Variants in PHF21B observed in about 807,000 individuals in gnomAD.
PHF21B encodes PHD finger protein 21B.
PHF21B carries 22 observed loss-of-function variants against 62.2 expected under a neutral mutation model. That is an observed-to-expected ratio of 0.35 (90% CI 0.25 to 0.51). PHF21B has a LOEUF of 0.51. Among genes scored for constraint, PHF21B ranks in the 20% least tolerant of loss-of-function variants. The pLI is 0.97. For missense variants in PHF21B, 701 were observed against 707.9 expected (o/e 0.99, Z 0.11); for synonymous variants, 341 against 314.7 (o/e 1.08, Z -0.88).
At chr22:44,898,878 T>C (rs1199042972) in intron 5 of PHF21B, among the ~76,000 whole-genome samples, 1 of 152,244 alleles carries the variant, frequency 6.6e-6, no homozygotes, top group Non-Finnish European at 1.5e-5. Context: ...CAATACCATT[T>C]ACTGAAAATT....
chr22:44,958,127 T>C (rs2072339500), intron 2 of PHF21B, among the ~76,000 whole-genome samples: 1 of 152,160 alleles, frequency 6.6e-6, no homozygotes, highest in Admixed American at 6.5e-5. Flanking sequence ...GGTCTCGAAC[T>C]CCCGACCTCA....
chr22:44,931,002 A>G (rs2147339074), intron 2 of PHF21B, among the ~76,000 whole-genome samples: 1 of 152,312 alleles, frequency 6.6e-6, no homozygotes, highest in South Asian at 2.1e-4. Flanking sequence ...AGAAGACCTC[A>G]ATGCTGGAAC....
chr22:44,989,465 T>C (rs1249578150), intron 2 of PHF21B: 4 of 152,160 alleles, frequency 2.6e-5, no homozygotes, highest in Admixed American at 2.0e-4. Flanking sequence ...AAGATGCTGC[T>C]ACACAAATGT....
At chr22:44,889,728 G>A (rs765701921) in intron 9 of PHF21B, 32 bp downstream of exon 9, 8 of 1,582,048 alleles carry the variant, frequency 5.1e-6, no homozygotes, top group Middle Eastern at 1.7e-4. Context: ...CTCCACCCCG[G>A]AAGTGTGAAG....
intron 2 of PHF21B, among the ~76,000 whole-genome samples, chr22:44,981,814 G>A (rs1445916938): frequency 1.3e-5 from 2 of 152,228 alleles, no homozygotes; most frequent in Non-Finnish European, 2.9e-5. Context: ...ATGACTCTCA[G>A]AGTTCTGGAA....
intron 2 of PHF21B, among the ~76,000 whole-genome samples, chr22:44,924,069 AGGGG>A (rs1261067797): frequency 3.9e-4 from 10 of 25,678 alleles, no homozygotes; most frequent in East Asian, 0.011. Context: ...GGAGGGAGGG[AGGGG>A]AGGGAAGAGG....
At chr22:44,979,227 G>A (rs949969743) in intron 2 of PHF21B, among the ~76,000 whole-genome samples, 2 of 152,238 alleles carry the variant, frequency 1.3e-5, no homozygotes, top group Non-Finnish European at 2.9e-5. Context: ...GTACAGGGAG[G>A]AGGTGCCATC....
intron 2 of PHF21B, among the ~76,000 whole-genome samples, chr22:44,923,895 C>T (rs2071582376): frequency 6.6e-6 from 1 of 151,982 alleles, no homozygotes; most frequent in African/African-American, 2.4e-5. Flanking sequence ...CCTGTAGTCT[C>T]AGCTGCTTGG....
intron 2 of PHF21B, among the ~76,000 whole-genome samples, chr22:44,984,195 C>CATA (rs2147485365): frequency 3.6e-5 from 1 of 27,928 alleles, no homozygotes. Flanking sequence ...CCATCATCAC[C>CATA]ACCACTACCA....
rs5766244 is a variant in PHF21B, at chr22:44,969,569, G to A, written c.120+38976C>T. ...TAATCCCAGCTACTCGGGAGGCTGAGGGATGAGAATCACTTGAACCTGGGA... is the reference window on the plus strand; with the variant it reads ...TAATCCCAGCTACTCGGGAGGCTGAAGGATGAGAATCACTTGAACCTGGGA... On this transcript the variant is annotated intron_variant, in intron 2 of 12. Coordinates refer to ENST00000313237, the MANE Select transcript of PHF21B (RefSeq NM_138415.5). Among the ~76,000 whole-genome samples the A allele has an allele frequency of 3.3e-5, 5 of 152,294 alleles. No homozygotes were observed. In the South Asian group the frequency reaches 8.3e-4, roughly 25 times the overall value.
intron 2 of PHF21B, among the ~76,000 whole-genome samples, chr22:45,006,594 G>C (rs1023175775): frequency 6.6e-6 from 1 of 152,144 alleles, no homozygotes; most frequent in African/African-American, 2.4e-5. Context: ...AATTTAAACA[G>C]CCTCGAAATA....
At position 44,896,129 on chromosome 22, in the gene PHF21B, T is replaced by C. The variant is rs200287927; in HGVS notation, c.832-46A>G. The C allele has an allele frequency of 3.4e-5, 55 of 1,605,808 alleles. No individual in the cohort carries two copies. The African/African-American group carries it at 7.3e-4, about 21-fold the overall frequency. The stretch of plus-strand genomic sequence containing the variant: ...AGGAGCATTAACACAACCGTCAAAG[T>C]TCATTCATGCACTCAACAAACATCT... On this transcript the variant is annotated intron_variant, in intron 5 of 12. Coordinates refer to ENST00000313237, the MANE Select transcript of PHF21B (RefSeq NM_138415.5).
chr22:45,006,154 C>A (rs2073310087), intron 2 of PHF21B, among the ~76,000 whole-genome samples: 1 of 152,170 alleles, frequency 6.6e-6, no homozygotes, highest in Non-Finnish European at 1.5e-5. Context: ...CATGCTGAAC[C>A]ACGGCCGCAG....
intron 2 of PHF21B, among the ~76,000 whole-genome samples, chr22:44,973,088 C>A (rs527339255): frequency 1.3e-5 from 2 of 152,328 alleles, no homozygotes; most frequent in Admixed American, 1.3e-4. Flanking sequence ...CTATGACTGA[C>A]TCCCCACCCC....
chr22:44,882,998 G>T lies in PHF21B; in HGVS notation c.*88C>A. 1 of 1,386,576 alleles carries T rather than the reference G, an allele frequency of 7.2e-7. No homozygotes were observed. The highest frequency in any genetic ancestry group is 9.8e-7 in the Non-Finnish European group (1 of 1,024,504). The allele number at this position is 1,386,576 out of a possible 1,614,324, so 85.9% of individuals were successfully genotyped here. A position where few individuals can be genotyped will look rare whatever the true frequency, so the allele number is the denominator to read the frequency against. ...TTAATTTTTGTCTGAAATTCATAGT[G>T]TTTATGAATTAAGGCCGACAGAACC... is the stretch of plus-strand genomic sequence containing the variant. On this transcript the variant is annotated 3_prime_UTR_variant, in exon 13 of 13. Coordinates refer to ENST00000313237, the MANE Select transcript of PHF21B (RefSeq NM_138415.5).
intron 2 of PHF21B, among the ~76,000 whole-genome samples, chr22:44,948,299 G>A (rs1054336455): frequency 6.6e-6 from 1 of 152,180 alleles, no homozygotes; most frequent in Non-Finnish European, 1.5e-5. Flanking sequence ...TCCCATCTGC[G>A]GGTGGGTGAT....
chr22:44,984,925 G>C (rs1569273885), intron 2 of PHF21B, among the ~76,000 whole-genome samples: 1 of 152,142 alleles, frequency 6.6e-6, no homozygotes, highest in Non-Finnish European at 1.5e-5. Flanking sequence ...CTCTGCAAAA[G>C]CAACAGGAGG....
At chr22:44,909,440 T>C (rs1237251756) in intron 5 of PHF21B, among the ~76,000 whole-genome samples, 4 of 152,228 alleles carry the variant, frequency 2.6e-5, no homozygotes, top group Non-Finnish European at 5.9e-5. Context: ...CGGACTTTCT[T>C]GAGACGATTA....
At chr22:44,928,675 G>T (rs2071681411) in intron 2 of PHF21B, among the ~76,000 whole-genome samples, 1 of 152,334 alleles carries the variant, frequency 6.6e-6, no homozygotes, top group African/African-American at 2.4e-5. Context: ...CTCCCAAAGT[G>T]CTGGGATTAG....
Sources: allele counts gnomAD v4.1 joint callset (sites outside exome capture counted in the v4.1 genomes callset), GRCh38; gene constraint gnomAD v4.1.1; transcripts MANE v1.5; gene names NCBI Gene and HGNC (gene_info 2026-07-23, HGNC 2026-07-21).